The following CAMK2D variants were observed in gnomAD, a reference collection of about 807,000 sequenced individuals.
CAMK2D encodes calcium/calmodulin dependent protein kinase II delta, also known as calcium/calmodulin-dependent protein kinase type II subunit delta.
CAMK2D carries 37 observed loss-of-function variants against 84.0 expected under a neutral mutation model. That is an observed-to-expected ratio of 0.44 (90% confidence interval 0.34 to 0.58). CAMK2D has a LOEUF of 0.58. Ranked by LOEUF, CAMK2D falls within the 20% of genes least tolerant of loss-of-function variation. CAMK2D has a pLI of 0.02. For missense variants in CAMK2D, 448 were observed against 652.5 expected (o/e 0.69, Z 3.41); for synonymous variants, 202 against 212.5 (o/e 0.95, Z 0.43).
At chr4:113,539,549 G>A (rs1450870759) in intron 6 of CAMK2D, among the ~76,000 whole-genome samples, 2 of 152,196 alleles carry the variant, frequency 1.3e-5, no homozygotes, top group African/African-American at 4.8e-5. Flanking sequence ...AGTATCTGCC[G>A]ATTCAGAAGA....
At chr4:113,751,945 A>G (rs2099618307) in intron 2 of CAMK2D, among the ~76,000 whole-genome samples, 1 of 152,060 alleles carries the variant, frequency 6.6e-6, no homozygotes, top group Non-Finnish European at 1.5e-5. Context: ...CACATATACC[A>G]CACAAAATAA....
intron 2 of CAMK2D, among the ~76,000 whole-genome samples, chr4:113,696,235 C>T (rs929499550): frequency 1.4e-5 from 2 of 146,652 alleles, no homozygotes; most frequent in African/African-American, 5.0e-5. Flanking sequence ...CACACACATA[C>T]ACATATACTC....
At chr4:113,623,419 C>T (rs1329996348) in intron 3 of CAMK2D, among the ~76,000 whole-genome samples, 2 of 152,000 alleles carry the variant, frequency 1.3e-5, no homozygotes, top group African/African-American at 4.8e-5. Flanking sequence ...CAGACACAAA[C>T]ACTTATAGCA....
At chr4:113,608,204 CAG>C (rs1274513879) in intron 4 of CAMK2D, among the ~76,000 whole-genome samples, 1 of 152,132 alleles carries the variant, frequency 6.6e-6, no homozygotes, top group African/African-American at 2.4e-5. Context: ...TAAAAACAGA[CAG>C]ATGGAAAGAA....
intron 4 of CAMK2D, among the ~76,000 whole-genome samples, chr4:113,568,188 T>C (rs2098734767): frequency 6.6e-6 from 1 of 152,196 alleles, no homozygotes; most frequent in Admixed American, 6.5e-5. Context: ...TTTTCAGAAC[T>C]CCTGGTCATT....
At chr4:113,544,185 C>T (rs1181700283) in intron 6 of CAMK2D, among the ~76,000 whole-genome samples, 1 of 152,138 alleles carries the variant, frequency 6.6e-6, no homozygotes, top group Non-Finnish European at 1.5e-5. Context: ...TTACTTCATA[C>T]ACCTGTCTAC....
At chr4:113,554,305 G>A (rs1462992443) in intron 4 of CAMK2D, among the ~76,000 whole-genome samples, 2 of 151,942 alleles carry the variant, frequency 1.3e-5, no homozygotes, top group African/African-American at 4.8e-5. Context: ...AACTTTACAT[G>A]AGCTTAAAAA....
At chr4:113,553,074 TG>T (rs1415914228) in intron 4 of CAMK2D, among the ~76,000 whole-genome samples, 1 of 152,216 alleles carries the variant, frequency 6.6e-6, no homozygotes, top group Non-Finnish European at 1.5e-5. Context: ...GGTTTAACCT[TG>T]TAAGAGCTAA....
rs1235643816 is a variant in CAMK2D, at chr4:113,495,336, A to C, written c.1135+5127T>G. ...AATACCCAAGAGTTTCTTAATTTGCAGATTTTTCTGGAAGTGAGAAATGTA... is the reference window on the plus strand; with the variant it reads ...AATACCCAAGAGTTTCTTAATTTGCCGATTTTTCTGGAAGTGAGAAATGTA... On this transcript the variant is annotated intron_variant, in intron 16 of 20. Transcript: ENST00000511664. Among the ~76,000 whole-genome samples the C allele has an allele frequency of 3.3e-5, 5 of 152,236 alleles. No homozygotes were observed. In the East Asian group the frequency reaches 9.6e-4, roughly 29 times the overall value.
At chr4:113,589,827 A>T (rs184907368) in intron 4 of CAMK2D, among the ~76,000 whole-genome samples, 1 of 152,238 alleles carries the variant, frequency 6.6e-6, no homozygotes, top group Admixed American at 6.5e-5. Flanking sequence ...ACTGGATGAG[A>T]TTCTTAAGAA....
intron 2 of CAMK2D, among the ~76,000 whole-genome samples, chr4:113,757,384 A>G (rs1035469933): frequency 2.0e-5 from 3 of 152,090 alleles, no homozygotes; most frequent in African/African-American, 7.2e-5. Flanking sequence ...TATTTTACAG[A>G]TGAAGAAACT....
At chr4:113,491,240 T>C in intron 16 of CAMK2D, among the ~76,000 whole-genome samples, 2 of 124,646 alleles carry the variant, frequency 1.6e-5, no homozygotes, top group Admixed American at 9.2e-5. Flanking sequence ...AGGGAATGCT[T>C]CCAGTTTTTG....
chr4:113,582,442 C>T (rs1426103833), intron 4 of CAMK2D, among the ~76,000 whole-genome samples: 1 of 152,184 alleles, frequency 6.6e-6, no homozygotes, highest in Non-Finnish European at 1.5e-5. Flanking sequence ...TTTCGACAAA[C>T]ACATATCGTC....
At chr4:113,500,657 A>G (rs2098025958) in intron 15 of CAMK2D, 146 bp from the exon 16 acceptor site, 2 of 528,866 alleles carry the variant, frequency 3.8e-6, no homozygotes, top group Non-Finnish European at 3.4e-6. Context: ...AAACACATTA[A>G]GTGGTTTTTA....
chr4:113,508,219 G>C (rs1001106232), intron 13 of CAMK2D: 2 of 1,527,894 alleles, frequency 1.3e-6, no homozygotes, highest in African/African-American at 2.7e-5. Context: ...GGAGAAATCT[G>C]GCAGATAGAT....
At chr4:113,511,098 C>T (rs17630012) in intron 12 of CAMK2D, among the ~76,000 whole-genome samples, 9,518 of 152,054 alleles carry the variant, frequency 0.063, 603 homozygotes, top group East Asian at 0.22. Flanking sequence ...TTACTATTCA[C>T]CTTACCTCAC....
chr4:113,496,898 A>C (rs1294862509), intron 16 of CAMK2D, among the ~76,000 whole-genome samples: 1 of 152,234 alleles, frequency 6.6e-6, no homozygotes, highest in African/African-American at 2.4e-5. Context: ...GGGTGTCAAC[A>C]CATTGCCTTG....
At chr4:113,500,384 A>T in intron 16 of CAMK2D, 79 bp downstream of exon 16, 1 of 749,042 alleles carries the variant, frequency 1.3e-6, no homozygotes, top group South Asian at 1.8e-5. Flanking sequence ...TAAACTTATT[A>T]GTTATTTGAA....
At chr4:113,609,241 A>T (rs754601916) in intron 3 of CAMK2D, 35 bp from the exon 4 acceptor site, 1 of 1,113,802 alleles carries the variant, frequency 9.0e-7, no homozygotes, top group Non-Finnish European at 1.4e-6. Flanking sequence ...ATTGTGTTAT[A>T]CCTATTCCAA....
Sources: allele counts gnomAD v4.1 joint callset (sites outside exome capture counted in the v4.1 genomes callset), GRCh38; gene constraint gnomAD v4.1.1; transcripts MANE v1.5; gene names NCBI Gene and HGNC (gene_info 2026-07-23, HGNC 2026-07-21).